Variants in UBE2U observed in about 807,000 individuals in gnomAD.
The protein encoded by UBE2U is ubiquitin conjugating enzyme E2 U, also known as ubiquitin-conjugating enzyme E2 U.
Under a neutral mutation model 41.2 loss-of-function variants are expected in UBE2U, and 39 were observed. The observed-to-expected ratio is 0.95, with a 90% CI of 0.73 to 1.24. The LOEUF is 1.24. UBE2U is among the 50% of genes most tolerant of loss of function. The pLI is 0.00. For synonymous variants in UBE2U, 107 were observed against 117.8 expected, an observed-to-expected ratio of 0.91 and a Z score of 0.60; for missense variants, 336 against 363.1, an observed-to-expected ratio of 0.93 and a Z score of 0.61.
In UBE2U at chr1:64,259,381, T is replaced by A. The variant is rs561489837; in HGVS notation, c.678-1222T>A. Among the ~76,000 whole-genome samples, 16 of 152,254 alleles carry A rather than the reference T, an allele frequency of 1.1e-4. No homozygotes were observed. In the East Asian group the frequency reaches 2.9e-3, roughly 28 times the overall value. On this transcript the variant is annotated intron_variant, in intron 8 of 9. Coordinates refer to ENST00000371077, the MANE Select transcript of UBE2U (RefSeq NM_001366232.2). ...GTTGCCGTTGCTTTTGGTGTTTTAG[T>A]CATGAAGTCCTTGCCCATGCCTATG... is the stretch of plus-strand genomic sequence containing the variant.
At chr1:64,205,493 C>T in intron 1 of UBE2U, 146 bp from the exon 2 acceptor site, 1 of 641,234 alleles carries the variant, frequency 1.6e-6, no homozygotes, top group Non-Finnish European at 2.7e-6. Flanking sequence ...ACATGTAACA[C>T]TTCCCCAGAG....
chr1:64,232,039 C>T (rs17266187), intron 6 of UBE2U, among the ~76,000 whole-genome samples: 1 of 152,022 alleles, frequency 6.6e-6, no homozygotes, highest in Non-Finnish European at 1.5e-5. Context: ...GAAAGTAGCA[C>T]CCAGGAGTAT....
intron 7 of UBE2U, among the ~76,000 whole-genome samples, chr1:64,239,730 G>T (rs1345341604): frequency 2.0e-5 from 3 of 152,016 alleles, no homozygotes; most frequent in Non-Finnish European, 4.4e-5. Context: ...AGTATTCCAT[G>T]GTGTATATGT....
At chr1:64,247,759 G>C (rs932368896) in intron 8 of UBE2U, among the ~76,000 whole-genome samples, 1 of 152,000 alleles carries the variant, frequency 6.6e-6, no homozygotes, top group Non-Finnish European at 1.5e-5. Context: ...AGCTAAGTGG[G>C]AGGCTGAGGT....
chr1:64,210,156 A>C (rs1352239323), intron 3 of UBE2U, among the ~76,000 whole-genome samples: 1 of 152,192 alleles, frequency 6.6e-6, no homozygotes, highest in East Asian at 1.9e-4. Flanking sequence ...TCCTTTCCCA[A>C]AAGAAAATCA....
At chr1:64,206,375 C>T in intron 2 of UBE2U, among the ~76,000 whole-genome samples, 1 of 151,608 alleles carries the variant, frequency 6.6e-6, no homozygotes, top group East Asian at 1.9e-4. Context: ...TGAGTTGAGT[C>T]CTGAAGAATC....
intron 6 of UBE2U, among the ~76,000 whole-genome samples, chr1:64,228,670 CTT>C (rs1342284089): frequency 1.5e-5 from 2 of 136,738 alleles, no homozygotes; most frequent in Non-Finnish European, 3.1e-5. Flanking sequence ...TTTTTCTTTT[CTT>C]TCTCTCTCTC....
At chr1:64,244,317 A>G in intron 8 of UBE2U, 3 of 988,966 alleles carry the variant, frequency 3.0e-6, no homozygotes, top group Non-Finnish European at 3.7e-6. Context: ...TTCATTCGAG[A>G]TATAAATAAA....
Position 64,266,664 on chromosome 1 carries a change from C to A in UBE2U, c.770-360C>A, listed in dbSNP as rs188273788. Among the ~76,000 whole-genome samples the A allele has an allele frequency of 6.3e-3, 960 of 152,270 alleles. 4 individuals are homozygous for A. Among genetic ancestry groups the A allele is most frequent in the Middle Eastern group, 0.024 (7 of 294 alleles). On this transcript the variant is annotated intron_variant, in intron 9 of 9. Transcript: ENST00000371077. ...GTTCTGACCTCCCTTCTCTGTCTAA[C>A]AAACTGGTCTTCCTGTTTCAAAGTC... is the stretch of plus-strand genomic sequence containing the variant.
chr1:64,239,077 AGAGGAAGAG>A (rs1557729422), intron 7 of UBE2U, among the ~76,000 whole-genome samples: 11 of 62,796 alleles, frequency 1.8e-4, no homozygotes, highest in Admixed American at 4.6e-4. Context: ...AGGAAGAGGA[AGAGGAAGAG>A]GAAGAGGAAG....
intron 8 of UBE2U, among the ~76,000 whole-genome samples, chr1:64,256,463 C>A (rs910156753): frequency 1.3e-5 from 2 of 151,978 alleles, no homozygotes; most frequent in African/African-American, 4.8e-5. Context: ...GAAATAAGAC[C>A]ACACACCTAC....
At chr1:64,222,880 G>A (rs565048993) in intron 6 of UBE2U, among the ~76,000 whole-genome samples, 2 of 152,242 alleles carry the variant, frequency 1.3e-5, no homozygotes, top group East Asian at 1.9e-4. Flanking sequence ...TTGGACCCCC[G>A]GTTTCTAAAA....
chr1:64,239,457 G>A (rs1386215749), intron 7 of UBE2U, among the ~76,000 whole-genome samples: 1 of 151,830 alleles, frequency 6.6e-6, no homozygotes, highest in African/African-American at 2.4e-5. Flanking sequence ...GCCTGTTGGT[G>A]TGCTGCACCC....
chr1:64,211,588 C>A (rs12096887), intron 4 of UBE2U, among the ~76,000 whole-genome samples: 1,905 of 151,910 alleles, frequency 0.013, 49 homozygotes, highest in African/African-American at 0.044. Context: ...CACCGGCATG[C>A]CCTACCATGG....
At chr1:64,241,628 C>CT in intron 7 of UBE2U, 24 bp from the exon 8 acceptor site, 2 of 1,541,574 alleles carry the variant, frequency 1.3e-6, no homozygotes, top group African/African-American at 1.4e-5. Flanking sequence ...TGTATAGCTT[C>CT]TTTTTTTAAT....
At chr1:64,213,468 G>A (rs572359229) in intron 4 of UBE2U, among the ~76,000 whole-genome samples, 2 of 152,102 alleles carry the variant, frequency 1.3e-5, no homozygotes, top group South Asian at 2.1e-4. Context: ...GGTTTTGGGG[G>A]AGCTTCCTTT....
chr1:64,258,185 C>T (rs1645125152), intron 8 of UBE2U, among the ~76,000 whole-genome samples: 1 of 151,996 alleles, frequency 6.6e-6, no homozygotes, highest in African/African-American at 2.4e-5. Flanking sequence ...AGTCAGAGAC[C>T]TTGTCTGTCT....
intron 9 of UBE2U, 87 bp from the exon 10 acceptor site, chr1:64,266,937 T>C: frequency 1.6e-6 from 2 of 1,241,696 alleles, no homozygotes; most frequent in Non-Finnish European, 2.2e-6. Flanking sequence ...TCTTTGGCAT[T>C]ATCCTACAAA....
intron 7 of UBE2U, among the ~76,000 whole-genome samples, chr1:64,241,085 G>A (rs924472096): frequency 6.6e-6 from 1 of 152,178 alleles, no homozygotes; most frequent in Non-Finnish European, 1.5e-5. Flanking sequence ...GCAGGAATAA[G>A]AAAACAGAAT....
Sources: gnomAD v4.1 joint callset for allele counts (sites outside exome capture counted in the v4.1 genomes callset) on GRCh38, gnomAD v4.1.1 for gene constraint, MANE v1.5 for transcripts, NCBI Gene and HGNC (gene_info 2026-07-23, HGNC 2026-07-21) for gene names.